The following ADAMTS12 variants were observed in gnomAD, a reference collection of about 807,000 sequenced individuals.
ADAMTS12 encodes ADAM metallopeptidase with thrombospondin type 1 motif 12.
ADAMTS12 carries 118 observed loss-of-function variants against 167.8 expected under a neutral mutation model. The observed-to-expected ratio is 0.70, with a 90% CI of 0.61 to 0.82. The LOEUF (loss-of-function observed/expected upper bound fraction) is 0.82, where lower values mean the gene tolerates loss of function less well. Among genes scored for constraint, ADAMTS12 ranks in the 40% least tolerant of loss-of-function variants. The pLI is 0.00. For synonymous variants in ADAMTS12, 704 were observed against 716.9 expected (o/e 0.98, Z 0.29); for missense variants, 1,916 against 1,998.8 (o/e 0.96, Z 0.79).
At chr5:33,654,497 T>C (rs987424967) in intron 7 of ADAMTS12, among the ~76,000 whole-genome samples, 2 of 152,158 alleles carry the variant, frequency 1.3e-5, no homozygotes, top group Admixed American at 1.3e-4. Flanking sequence ...GGTACCTGAG[T>C]TGTCAAAGGG....
At chr5:33,587,156 G>T (rs759758270) in intron 18 of ADAMTS12, among the ~76,000 whole-genome samples, 3 of 151,774 alleles carry the variant, frequency 2.0e-5, no homozygotes, top group Non-Finnish European at 4.4e-5. Flanking sequence ...TGGAAATAAG[G>T]TTTCATCAAA....
intron 14 of ADAMTS12, among the ~76,000 whole-genome samples, chr5:33,617,591 T>G (rs992385956): frequency 2.0e-5 from 3 of 152,140 alleles, no homozygotes; most frequent in African/African-American, 7.2e-5. Context: ...TATGACCACC[T>G]CCGGGAAGAT....
At chr5:33,679,966 C>G (rs576161367) in intron 5 of ADAMTS12, among the ~76,000 whole-genome samples, 40 of 152,298 alleles carry the variant, frequency 2.6e-4, no homozygotes, top group African/African-American at 9.4e-4. Context: ...TAGTTAAGGG[C>G]TGGAATCATT....
At chr5:33,807,078 C>T (rs1229107418) in intron 2 of ADAMTS12, among the ~76,000 whole-genome samples, 2 of 152,218 alleles carry the variant, frequency 1.3e-5, no homozygotes, top group African/African-American at 4.8e-5. Context: ...CCTTTCTCCT[C>T]TGGCCTCTCT....
intron 2 of ADAMTS12, among the ~76,000 whole-genome samples, chr5:33,790,078 T>A (rs1031738590): frequency 3.9e-5 from 6 of 152,186 alleles, no homozygotes; most frequent in African/African-American, 1.4e-4. Context: ...ATTATCAAAT[T>A]TTGTAGTGCT....
intron 2 of ADAMTS12, among the ~76,000 whole-genome samples, chr5:33,869,594 G>GT (rs1749960099): frequency 6.6e-6 from 1 of 152,108 alleles, no homozygotes; most frequent in Non-Finnish European, 1.5e-5. Flanking sequence ...CGCAAAACCA[G>GT]TAAGTTTTTA....
intron 3 of ADAMTS12, 63 bp from the exon 4 acceptor site, chr5:33,684,118 G>T: frequency 8.3e-7 from 1 of 1,209,522 alleles, no homozygotes; most frequent in African/African-American, 1.6e-5. Context: ...ATCTACTTAT[G>T]TTAGTAAAGA....
chr5:33,576,285 A>G lies in ADAMTS12; in HGVS notation c.3741T>C (p.Thr1247=), dbSNP rs1746710550. The G allele has an allele frequency of 1.9e-6, 3 of 1,613,958 alleles. No homozygotes were observed. Among genetic ancestry groups the G allele is most frequent in the African/African-American group, 1.3e-5 (1 of 74,870 alleles). ...EGMVTEKPAN[T]LLPLGGDHQP... is the part of the protein sequence containing the mutation. Reference sequence around the variant, plus strand: ...GGTGGTCTCCTCCCAGAGGGAGCAGAGTGTTGGCTGGCTTTTCAGTAACCA... The same window carrying G: ...GGTGGTCTCCTCCCAGAGGGAGCAGGGTGTTGGCTGGCTTTTCAGTAACCA... The change falls in exon 19 of 24, where the codon ACT becomes ACC. Residue 1247 remains threonine, a synonymous_variant. Coordinates refer to ENST00000504830, the MANE Select transcript of ADAMTS12 (RefSeq NM_030955.4).
chr5:33,631,635 C>G (rs999760209), intron 12 of ADAMTS12, among the ~76,000 whole-genome samples: 16 of 152,024 alleles, frequency 1.1e-4, no homozygotes, highest in African/African-American at 3.6e-4. Context: ...AAATGCATAC[C>G]CATATGTATG....
At chr5:33,556,869 A>G (rs1745509347) in intron 20 of ADAMTS12, among the ~76,000 whole-genome samples, 1 of 152,206 alleles carries the variant, frequency 6.6e-6, no homozygotes, top group Non-Finnish European at 1.5e-5. Flanking sequence ...GATGGGGCGG[A>G]CAGTGTGAAA....
intron 3 of ADAMTS12, among the ~76,000 whole-genome samples, chr5:33,709,033 G>A (rs1485553122): frequency 1.3e-5 from 2 of 151,614 alleles, no homozygotes; most frequent in Non-Finnish European, 2.9e-5. Context: ...ATATTAAGAA[G>A]AAATTGGGCA....
chr5:33,705,731 C>T (rs1246240413), intron 3 of ADAMTS12, among the ~76,000 whole-genome samples: 4 of 152,016 alleles, frequency 2.6e-5, no homozygotes, highest in African/African-American at 9.7e-5. Context: ...ATCGCTTGAA[C>T]CTGGGAGGCA....
chr5:33,624,899 A>G (rs34290989), intron 13 of ADAMTS12, among the ~76,000 whole-genome samples: 17,647 of 152,242 alleles, frequency 0.12, 1,088 homozygotes, highest in Middle Eastern at 0.18. Context: ...TTTGGGAACA[A>G]TTGTGTCCAG....
intron 2 of ADAMTS12, among the ~76,000 whole-genome samples, chr5:33,853,689 T>C (rs1749299104): frequency 6.6e-6 from 1 of 152,226 alleles, no homozygotes; most frequent in South Asian, 2.1e-4. Flanking sequence ...CATTAGGCTT[T>C]CGACAAACAA....
chr5:33,727,701 CTCTT>C (rs1246607450), intron 3 of ADAMTS12, among the ~76,000 whole-genome samples: 3 of 152,308 alleles, frequency 2.0e-5, no homozygotes, highest in South Asian at 2.1e-4. Flanking sequence ...CTGGAACACA[CTCTT>C]TCTTAGATTT....
At chr5:33,854,945 A>G (rs1033809957) in intron 2 of ADAMTS12, among the ~76,000 whole-genome samples, 1 of 152,196 alleles carries the variant, frequency 6.6e-6, no homozygotes. Flanking sequence ...GAGGGACAAC[A>G]AACCCTGACA....
At chr5:33,693,870 G>A (rs1742645718) in intron 3 of ADAMTS12, among the ~76,000 whole-genome samples, 1 of 152,082 alleles carries the variant, frequency 6.6e-6, no homozygotes, top group South Asian at 2.1e-4. Flanking sequence ...AAGAGAGGAA[G>A]TCAAACTCTA....
At chr5:33,568,899 C>T (rs371043013) in intron 19 of ADAMTS12, among the ~76,000 whole-genome samples, 11 of 152,246 alleles carry the variant, frequency 7.2e-5, no homozygotes, top group African/African-American at 2.2e-4. Flanking sequence ...CTGAATACTG[C>T]GCTTTTCCGA....
chr5:33,769,493 G>A (rs1358865426), intron 2 of ADAMTS12, among the ~76,000 whole-genome samples: 1 of 152,092 alleles, frequency 6.6e-6, no homozygotes, highest in Non-Finnish European at 1.5e-5. Flanking sequence ...ACTTAATCTA[G>A]ACTAAAGCCT....
Sources: gnomAD v4.1 joint callset for allele counts (sites outside exome capture counted in the v4.1 genomes callset) on GRCh38, gnomAD v4.1.1 for gene constraint, MANE v1.5 for transcripts, NCBI Gene and HGNC (gene_info 2026-07-23, HGNC 2026-07-21) for gene names.